Variants in MACROD2 observed in about 807,000 individuals in gnomAD.
MACROD2 encodes the protein ADP-ribose glycohydrolase MACROD2.
In MACROD2, 36 loss-of-function variants were observed where a neutral mutation model predicts 70.4. The observed-to-expected ratio is 0.51, with a 90% CI of 0.39 to 0.68. MACROD2 has a LOEUF of 0.68. Among genes scored for constraint, MACROD2 ranks in the 30% least tolerant of loss-of-function variants. MACROD2 has a pLI of 0.00. For missense variants in MACROD2, 496 were observed against 538.4 expected (o/e 0.92, Z 0.78); for synonymous variants, 172 against 178.8 (o/e 0.96, Z 0.30).
In MACROD2 at chr20:14,736,410, T is replaced by C. The variant is rs542131044; in HGVS notation, c.418+51451T>C. ...TGTGGAACTAGATAGTGGTGACTGC[T>C]GTACAACATTGTGAAAGTATACTGA... On this transcript the variant is annotated intron_variant, in intron 5 of 17. Coordinates refer to ENST00000684519, the MANE Select transcript of MACROD2 (RefSeq NM_001351661.2). 1.2e-4 allele frequency among the ~76,000 whole-genome samples: 18 copies of C among 152,314 alleles called. 1 individual carries two copies. The East Asian group carries it at 3.5e-3, about 29-fold the overall frequency.
At chr20:15,251,189 A>G (rs1319737244) in intron 6 of MACROD2, among the ~76,000 whole-genome samples, 1 of 152,220 alleles carries the variant, frequency 6.6e-6, no homozygotes, top group African/African-American at 2.4e-5. Context: ...TGCAACACAG[A>G]AAGTTCTGTT....
chr20:15,540,516 G>A (rs1012247799), intron 8 of MACROD2, among the ~76,000 whole-genome samples: 4 of 152,158 alleles, frequency 2.6e-5, no homozygotes, highest in Admixed American at 6.5e-5. Context: ...TGGAAGCAGG[G>A]GAACCACATA....
At chr20:14,001,990 C>G (rs76905980) in intron 1 of MACROD2, among the ~76,000 whole-genome samples, 24 of 152,166 alleles carry the variant, frequency 1.6e-4, no homozygotes, top group African/African-American at 5.5e-4. Flanking sequence ...TATCACTTAT[C>G]CAGCATATCA....
At chr20:15,013,440 GC>G (rs1475551314) in intron 5 of MACROD2, among the ~76,000 whole-genome samples, 1 of 152,172 alleles carries the variant, frequency 6.6e-6, no homozygotes, top group African/African-American at 2.4e-5. Context: ...TTGTTCCCCA[GC>G]AGCTGGGAGT....
chr20:15,775,394 C>A (rs1374958099), intron 8 of MACROD2, among the ~76,000 whole-genome samples: 2 of 152,072 alleles, frequency 1.3e-5, no homozygotes, highest in African/African-American at 4.8e-5. Flanking sequence ...AAAGGAAGGG[C>A]AGCCTCAGGC....
rs745649510 is a variant in MACROD2 at position 14,505,642 on chromosome 20, T to C, written c.301+12134T>C. On this transcript the variant is annotated intron_variant, in intron 4 of 17. Coordinates refer to ENST00000684519, the MANE Select transcript of MACROD2 (RefSeq NM_001351661.2). Reference sequence around the variant, plus strand: ...GAGGGCTTGTTAAAACACAGATTACTGGGCCTTATGCCCAGAATTTCTGTT... The same window carrying C: ...GAGGGCTTGTTAAAACACAGATTACCGGGCCTTATGCCCAGAATTTCTGTT... Among the ~76,000 whole-genome samples, 7 of 152,262 alleles carry C rather than the reference T, an allele frequency of 4.6e-5. 1 individual carries two copies. The South Asian group carries it at 1.2e-3, about 27-fold the overall frequency.
At chr20:15,261,296 A>C (rs1250728872) in intron 6 of MACROD2, among the ~76,000 whole-genome samples, 1 of 151,978 alleles carries the variant, frequency 6.6e-6, no homozygotes, top group Non-Finnish European at 1.5e-5. Flanking sequence ...GTGACTCCCT[A>C]GAATTAATTA....
chr20:15,556,975 C>A (rs1366593813), intron 8 of MACROD2, among the ~76,000 whole-genome samples: 1 of 152,102 alleles, frequency 6.6e-6, no homozygotes, highest in East Asian at 1.9e-4. Flanking sequence ...TTTTACCTAT[C>A]TAGGACCCAT....
At chr20:15,358,098 G>A (rs1178957387) in intron 6 of MACROD2, among the ~76,000 whole-genome samples, 3 of 152,140 alleles carry the variant, frequency 2.0e-5, no homozygotes, top group Non-Finnish European at 2.9e-5. Context: ...GTGAGCCACC[G>A]CGCCCGGCCC....
intron 3 of MACROD2, among the ~76,000 whole-genome samples, chr20:14,160,986 C>G (rs1271077212): frequency 6.6e-6 from 1 of 152,030 alleles, no homozygotes; most frequent in Non-Finnish European, 1.5e-5. Flanking sequence ...ACCTTCACCC[C>G]CTTACACCCT....
At chr20:14,047,849 C>G (rs1408953579) in intron 2 of MACROD2, among the ~76,000 whole-genome samples, 1 of 152,022 alleles carries the variant, frequency 6.6e-6, no homozygotes, top group Non-Finnish European at 1.5e-5. Context: ...TAAATTTGTT[C>G]TGAGCTGAAA....
intron 5 of MACROD2, among the ~76,000 whole-genome samples, chr20:15,088,037 A>C (rs963107396): frequency 9.2e-5 from 14 of 152,024 alleles, no homozygotes; most frequent in Admixed American, 2.0e-4. Flanking sequence ...ATGTAGGGAA[A>C]TGATCATTGT....
intron 5 of MACROD2, among the ~76,000 whole-genome samples, chr20:14,885,929 G>A (rs565247099): frequency 1.6e-4 from 24 of 152,156 alleles, no homozygotes; most frequent in Non-Finnish European, 3.4e-4. Context: ...GCCAGGCACT[G>A]TTCCAGGCCC....
intron 5 of MACROD2, among the ~76,000 whole-genome samples, chr20:14,771,491 T>C (rs1568786908): frequency 6.6e-6 from 1 of 151,736 alleles, no homozygotes; most frequent in Non-Finnish European, 1.5e-5. Flanking sequence ...TGTAAAGAGG[T>C]TTAAAATTTT....
At chr20:15,783,338 A>C (rs1286011387) in intron 8 of MACROD2, among the ~76,000 whole-genome samples, 1 of 152,140 alleles carries the variant, frequency 6.6e-6, no homozygotes, top group Non-Finnish European at 1.5e-5. Context: ...TAAATACTTT[A>C]CGTCATGGTT....
At chr20:14,825,813 A>G (rs1163255897) in intron 5 of MACROD2, among the ~76,000 whole-genome samples, 2 of 152,126 alleles carry the variant, frequency 1.3e-5, no homozygotes, top group Non-Finnish European at 2.9e-5. Flanking sequence ...GCTTGTCTGA[A>G]AGGAGAGCAT....
intron 4 of MACROD2, among the ~76,000 whole-genome samples, chr20:14,515,469 A>ACACACGCGCG (rs1555798355): frequency 3.8e-4 from 54 of 143,728 alleles, no homozygotes; most frequent in Admixed American, 1.3e-3. Flanking sequence ...ACACACGCAC[A>ACACACGCGCG]CACACACACA....
At chr20:15,641,687 A>G (rs535672915) in intron 8 of MACROD2, among the ~76,000 whole-genome samples, 1 of 152,350 alleles carries the variant, frequency 6.6e-6, no homozygotes, top group South Asian at 2.1e-4. Flanking sequence ...CCCAAAAGGC[A>G]TATATGTTTT....
At chr20:14,390,515 A>G (rs2083515142) in intron 3 of MACROD2, among the ~76,000 whole-genome samples, 1 of 152,244 alleles carries the variant, frequency 6.6e-6, no homozygotes, top group Non-Finnish European at 1.5e-5. Context: ...TACAGTAACC[A>G]AAACAGCATG....
Sources: gnomAD v4.1 joint callset for allele counts (sites outside exome capture counted in the v4.1 genomes callset) on GRCh38, gnomAD v4.1.1 for gene constraint, MANE v1.5 for transcripts, NCBI Gene and HGNC (gene_info 2026-07-23, HGNC 2026-07-21) for gene names.